LARGE1: variants seen among roughly 807,000 people sequenced by gnomAD.
LARGE1 encodes xylosyl- and glucuronyltransferase LARGE1.
Under a neutral mutation model 87.6 loss-of-function variants are expected in LARGE1, and 43 were observed. The ratio of observed to expected loss-of-function variants is 0.49; its 90% CI spans 0.38 to 0.63. LARGE1 has a LOEUF of 0.63. Ranked by LOEUF, LARGE1 falls within the 30% of genes least tolerant of loss-of-function variation. The probability of loss-of-function intolerance (pLI) is 0.00; values close to 1 mark genes in which losing one functional copy is unlikely to be tolerated. For synonymous variants in LARGE1, 434 were observed against 394.6 expected (o/e 1.10, Z -1.18); for missense variants, 802 against 1,000.2 (o/e 0.80, Z 2.67).
At chr22:33,794,925 A>G (rs1290544725) in intron 1 of LARGE1, among the ~76,000 whole-genome samples, 1 of 152,074 alleles carries the variant, frequency 6.6e-6, no homozygotes, top group Non-Finnish European at 1.5e-5. Context: ...CGGCCTTAAA[A>G]TGGGACAATT....
chr22:33,387,006 A>T (rs2065346411), intron 7 of LARGE1, among the ~76,000 whole-genome samples: 1 of 148,646 alleles, frequency 6.7e-6, no homozygotes, highest in East Asian at 1.9e-4. Flanking sequence ...CAGGAGGCTG[A>T]GGCAGGAGAA....
intron 1 of LARGE1, among the ~76,000 whole-genome samples, chr22:33,824,136 T>C (rs191216700): frequency 1.1e-4 from 17 of 152,354 alleles, no homozygotes; most frequent in African/African-American, 3.8e-4. Context: ...TTTGCTAACA[T>C]TTTATTGACC....
At chr22:33,328,571 T>A (rs1157460033) in intron 10 of LARGE1, among the ~76,000 whole-genome samples, 1 of 146,628 alleles carries the variant, frequency 6.8e-6, no homozygotes, top group Non-Finnish European at 1.5e-5. Flanking sequence ...AGAGCGAGAC[T>A]CTCTCTCAAA....
At chr22:33,590,177 C>T (rs994841264) in intron 5 of LARGE1, among the ~76,000 whole-genome samples, 11 of 152,152 alleles carry the variant, frequency 7.2e-5, no homozygotes, top group East Asian at 3.9e-4. Flanking sequence ...GAAAATAACT[C>T]GGCTATTCTA....
intron 6 of LARGE1, among the ~76,000 whole-genome samples, chr22:33,531,359 C>T (rs915920001): frequency 1.1e-4 from 16 of 151,848 alleles, no homozygotes; most frequent in African/African-American, 1.5e-4. Flanking sequence ...GGTTTCACCA[C>T]GTTGGCCAGG....
intron 11 of LARGE1, among the ~76,000 whole-genome samples, chr22:33,227,892 TCATC>T (rs1925814158): frequency 6.6e-6 from 1 of 152,234 alleles, no homozygotes; most frequent in Non-Finnish European, 1.5e-5. Context: ...GTTTTCTTGT[TCATC>T]CATCATCTAT....
chr22:33,671,224 C>T (rs2081401180), intron 2 of LARGE1, among the ~76,000 whole-genome samples: 1 of 152,130 alleles, frequency 6.6e-6, no homozygotes, highest in Non-Finnish European at 1.5e-5. Flanking sequence ...GGAAGTACAC[C>T]ACCACCTGAG....
chr22:33,096,415 CA>C, the LARGE1 span, among the ~76,000 whole-genome samples: 6,030 of 62,904 alleles, frequency 0.096, 244 homozygotes, highest in East Asian at 0.32. Context: ...AACTCCATCT[CA>C]AAAAAAAAAA....
At chr22:33,257,741 G>A (rs557030231) in intron 11 of LARGE1, among the ~76,000 whole-genome samples, 8 of 152,334 alleles carry the variant, frequency 5.3e-5, no homozygotes, top group Non-Finnish European at 1.2e-4. Flanking sequence ...CTGTGGAGAG[G>A]TGGGTTTGGG....
intron 6 of LARGE1, among the ~76,000 whole-genome samples, chr22:33,440,341 T>C (rs1474440544): frequency 2.6e-5 from 4 of 152,200 alleles, no homozygotes; most frequent in African/African-American, 9.6e-5. Flanking sequence ...AACAGGTGGC[T>C]CTAGCTGTGA....
At chr22:33,535,875 C>A (rs1230771884) in intron 6 of LARGE1, among the ~76,000 whole-genome samples, 1 of 152,216 alleles carries the variant, frequency 6.6e-6, no homozygotes, top group East Asian at 1.9e-4. Context: ...TGTCTGTATT[C>A]TCCTCTTCCA....
chr22:33,827,869 G>C (rs762777546), intron 1 of LARGE1, among the ~76,000 whole-genome samples: 12 of 152,172 alleles, frequency 7.9e-5, no homozygotes, highest in Non-Finnish European at 1.6e-4. Flanking sequence ...TATAGAGATC[G>C]AGGGTGGGAT....
intron 7 of LARGE1, among the ~76,000 whole-genome samples, chr22:33,425,621 G>T (rs1174130331): frequency 2.0e-5 from 3 of 152,164 alleles, no homozygotes; most frequent in Admixed American, 2.0e-4. Flanking sequence ...ATCTTTCAGT[G>T]GGATTATTCT....
At chr22:33,654,393 C>G (rs559577026) in intron 2 of LARGE1, among the ~76,000 whole-genome samples, 5 of 152,186 alleles carry the variant, frequency 3.3e-5, no homozygotes, top group South Asian at 2.1e-4. Flanking sequence ...AGATGTGCTC[C>G]GAGTCCCCTC....
chr22:33,195,738 A>ATTTCTTT (rs1392165241), intron 11 of LARGE1, among the ~76,000 whole-genome samples: 1 of 90,576 alleles, frequency 1.1e-5, no homozygotes, highest in Admixed American at 9.7e-5. Flanking sequence ...CCTAAAATTA[A>ATTTCTTT]TTTCTTTTTT....
intron 7 of LARGE1, among the ~76,000 whole-genome samples, chr22:33,412,219 G>A (rs963988489): frequency 2.6e-5 from 4 of 152,106 alleles, no homozygotes; most frequent in African/African-American, 9.7e-5. Flanking sequence ...GGGAGGCGGA[G>A]GTTGCAGTGA....
At chr22:33,650,230 G>C in intron 3 of LARGE1, 137 bp downstream of exon 3, 1 of 1,105,548 alleles carries the variant, frequency 9.0e-7, no homozygotes. Flanking sequence ...TAGCGAGCAA[G>C]CCAGACTTAC....
chr22:33,712,065 C>T (rs1376096469), intron 2 of LARGE1, among the ~76,000 whole-genome samples: 2 of 152,102 alleles, frequency 1.3e-5, no homozygotes, highest in African/African-American at 4.8e-5. Context: ...TTTATAAAGG[C>T]AGAAGTCCAG....
intron 4 of LARGE1, among the ~76,000 whole-genome samples, chr22:33,615,426 T>C (rs915723078): frequency 3.3e-5 from 5 of 152,164 alleles, no homozygotes; most frequent in Non-Finnish European, 7.3e-5. Context: ...GGTTAGGTAA[T>C]TGTTTCTTAG....
Sources: gnomAD v4.1 joint callset for allele counts (sites outside exome capture counted in the v4.1 genomes callset) on GRCh38, gnomAD v4.1.1 for gene constraint, MANE v1.5 for transcripts, NCBI Gene and HGNC (gene_info 2026-07-23, HGNC 2026-07-21) for gene names.